ZMIZ1: variants seen among roughly 807,000 people sequenced by gnomAD.
The protein encoded by ZMIZ1 is zinc finger MIZ-type containing 1.
A neutral mutation model predicts 113.9 loss-of-function variants in ZMIZ1; 17 were observed. That is an observed-to-expected ratio of 0.15 (90% CI 0.10 to 0.22). The LOEUF (loss-of-function observed/expected upper bound fraction) is 0.22, where lower values mean the gene tolerates loss of function less well. ZMIZ1 is among the 10% of genes least tolerant of loss of function. ZMIZ1 has a pLI of 1.00. For synonymous variants in ZMIZ1, 607 were observed against 603.1 expected, an observed-to-expected ratio of 1.01 and a Z score of -0.09; for missense variants, 1,059 against 1,477.8, an observed-to-expected ratio of 0.72 and a Z score of 4.65.
intron 9 of ZMIZ1, chr10:79,290,738 T>C (rs1167034612): frequency 4.3e-6 from 3 of 700,000 alleles, no homozygotes; most frequent in East Asian, 5.4e-5. Context: ...GCTTGTTCCA[T>C]CACAAGGCTG....
chr10:79,208,656 A>AC (rs1848425956), intron 6 of ZMIZ1, among the ~76,000 whole-genome samples: 1 of 152,216 alleles, frequency 6.6e-6, no homozygotes, highest in Admixed American at 6.5e-5. Context: ...ATGAGGAGGC[A>AC]CAGTCCCTAG....
At chr10:79,302,346 G>GGAC (rs1854360769) in intron 18 of ZMIZ1, 134 bp downstream of exon 18, 1 of 862,558 alleles carries the variant, frequency 1.2e-6, no homozygotes, top group Non-Finnish European at 1.8e-6. Context: ...GAGTGTCCCT[G>GGAC]AGCGCGCCCT....
intron 7 of ZMIZ1, among the ~76,000 whole-genome samples, chr10:79,263,871 A>C (rs991216555): frequency 1.3e-5 from 2 of 151,846 alleles, no homozygotes; most frequent in African/African-American, 2.4e-5. Flanking sequence ...CACTCCAACC[A>C]CTTCTTCTTA....
intron 1 of ZMIZ1, among the ~76,000 whole-genome samples, chr10:79,072,346 A>G (rs560198797): frequency 6.6e-6 from 1 of 152,228 alleles, no homozygotes; most frequent in Non-Finnish European, 1.5e-5. Flanking sequence ...TATGCCTCCA[A>G]CATAGGACAG....
rs187305593 is a variant in ZMIZ1, at chr10:79,258,203, G to C, written c.281-18978G>C. On this transcript the variant is annotated intron_variant, in intron 7 of 24. Transcript: ENST00000334512. ...TCGAGATCAGCTTGGGCAACATGGC[G>C]AGGACTCATCTCTACTAAGAATCAA... 1.6e-4 allele frequency among the ~76,000 whole-genome samples: 25 copies of C among 152,224 alleles called. 1 individual carries two copies. In the East Asian group the frequency reaches 4.8e-3, roughly 29 times the overall value.
At chr10:79,284,759 G>A (rs1459425341) in intron 8 of ZMIZ1, among the ~76,000 whole-genome samples, 1 of 152,216 alleles carries the variant, frequency 6.6e-6, no homozygotes, top group Non-Finnish European at 1.5e-5. Context: ...CCGGAAGACT[G>A]TAACTCCAGA....
chr10:79,249,413 G>A (rs1293738547), intron 7 of ZMIZ1, among the ~76,000 whole-genome samples: 1 of 152,208 alleles, frequency 6.6e-6, no homozygotes, highest in Non-Finnish European at 1.5e-5. Context: ...CAGATGGCCA[G>A]CCCGGAGCAT....
chr10:79,176,191 C>G (rs935888626), intron 4 of ZMIZ1, among the ~76,000 whole-genome samples: 2 of 152,008 alleles, frequency 1.3e-5, no homozygotes, highest in East Asian at 1.9e-4. Flanking sequence ...AACTGCCTCT[C>G]GAAATGTCAT....
intron 2 of ZMIZ1, among the ~76,000 whole-genome samples, chr10:79,131,732 A>G (rs570652180): frequency 2.6e-5 from 4 of 152,100 alleles, no homozygotes; most frequent in South Asian, 2.1e-4. Flanking sequence ...GGCTGAAGTC[A>G]TGTGATAAAG....
At chr10:79,305,741 C>T (rs1379039009) in intron 21 of ZMIZ1, 140 bp downstream of exon 21, 24 of 892,324 alleles carry the variant, frequency 2.7e-5, no homozygotes, top group Non-Finnish European at 3.9e-5. Flanking sequence ...ACCTCTCTGT[C>T]CCTTACCCTC....
intron 1 of ZMIZ1, among the ~76,000 whole-genome samples, chr10:79,107,325 G>T (rs1198334886): frequency 6.6e-6 from 1 of 152,214 alleles, no homozygotes; most frequent in African/African-American, 2.4e-5. Context: ...ACTACTTCTG[G>T]CCGTGTGACT....
intron 3 of ZMIZ1, among the ~76,000 whole-genome samples, chr10:79,149,027 G>A (rs532295354): frequency 1.2e-4 from 18 of 152,326 alleles, no homozygotes; most frequent in African/African-American, 4.3e-4. Context: ...CCTAAGCTGG[G>A]CTGACCCACC....
intron 6 of ZMIZ1, among the ~76,000 whole-genome samples, chr10:79,215,188 G>T (rs763698048): frequency 6.6e-6 from 1 of 152,226 alleles, no homozygotes; most frequent in Non-Finnish European, 1.5e-5. Flanking sequence ...TGAGGGGGCT[G>T]CAGGGTGCTT....
intron 23 of ZMIZ1, among the ~76,000 whole-genome samples, chr10:79,310,542 C>T (rs1390479810): frequency 1.3e-5 from 2 of 152,152 alleles, no homozygotes; most frequent in Non-Finnish European, 2.9e-5. Flanking sequence ...CTCCTGCCTC[C>T]CGCTCCCCGG....
At chr10:79,107,087 G>A (rs1843586077) in intron 1 of ZMIZ1, among the ~76,000 whole-genome samples, 1 of 152,218 alleles carries the variant, frequency 6.6e-6, no homozygotes, top group Non-Finnish European at 1.5e-5. Context: ...CTTTTTTCAG[G>A]TGAGGAAATT....
At chr10:79,150,173 C>G (rs925883221) in intron 3 of ZMIZ1, among the ~76,000 whole-genome samples, 1 of 152,204 alleles carries the variant, frequency 6.6e-6, no homozygotes, top group African/African-American at 2.4e-5. Context: ...GGCCCCGGGC[C>G]GCAGCCGTGC....
At chr10:79,235,963 G>A (rs143961007) in intron 7 of ZMIZ1, among the ~76,000 whole-genome samples, 1 of 152,306 alleles carries the variant, frequency 6.6e-6, no homozygotes, top group Admixed American at 6.5e-5. Context: ...GGCAGTCCCT[G>A]CCTCCTCTTT....
intron 1 of ZMIZ1, among the ~76,000 whole-genome samples, chr10:79,113,626 G>A (rs1268405056): frequency 6.6e-6 from 1 of 152,242 alleles, no homozygotes; most frequent in African/African-American, 2.4e-5. Flanking sequence ...GCTATGCTGT[G>A]CTTTTGCCTG....
intron 2 of ZMIZ1, among the ~76,000 whole-genome samples, chr10:79,123,847 G>A (rs1844403159): frequency 1.3e-5 from 2 of 152,360 alleles, no homozygotes; most frequent in South Asian, 2.1e-4. Flanking sequence ...CCAGCTCACA[G>A]CAGGCCTGGC....
Sources: allele counts gnomAD v4.1 joint callset (sites outside exome capture counted in the v4.1 genomes callset), GRCh38; gene constraint gnomAD v4.1.1; transcripts MANE v1.5; gene names NCBI Gene and HGNC (gene_info 2026-07-23, HGNC 2026-07-21).